Variants in NPAS3 observed in about 807,000 individuals in gnomAD.
NPAS3 encodes neuronal PAS domain protein 3, also known as neuronal PAS domain-containing protein 3.
NPAS3 carries 14 observed loss-of-function variants against 73.1 expected under a neutral mutation model. The ratio of observed to expected loss-of-function variants is 0.19; its 90% confidence interval spans 0.13 to 0.30. NPAS3 has a LOEUF of 0.30. Ranked by LOEUF, NPAS3 falls within the 10% of genes least tolerant of loss-of-function variation. NPAS3 has a pLI of 1.00. For synonymous variants in NPAS3, 620 were observed against 541.5 expected (o/e 1.14, Z -2.01); for missense variants, 1,096 against 1,250.0 (o/e 0.88, Z 1.86).
chr14:32,971,607 G>A (rs1163947297), intron 1 of NPAS3, among the ~76,000 whole-genome samples: 1 of 152,100 alleles, frequency 6.6e-6, no homozygotes, highest in African/African-American at 2.4e-5. Flanking sequence ...CTTTCAGCAG[G>A]CATAATAGTA....
chr14:33,361,211 G>A (rs547502201), intron 3 of NPAS3, among the ~76,000 whole-genome samples: 3 of 152,242 alleles, frequency 2.0e-5, no homozygotes, highest in South Asian at 2.1e-4. Context: ...TGGAAACTTC[G>A]TACTAAGAGG....
chr14:33,779,059 G>A (rs1332965514), intron 9 of NPAS3, among the ~76,000 whole-genome samples: 2 of 152,246 alleles, frequency 1.3e-5, no homozygotes, highest in East Asian at 1.9e-4. Flanking sequence ...AGAAAATGTT[G>A]TGTGGACACA....
chr14:33,178,406 G>A (rs759868850), intron 2 of NPAS3, among the ~76,000 whole-genome samples: 25 of 152,010 alleles, frequency 1.6e-4, no homozygotes, highest in Admixed American at 9.8e-4. Context: ...GGGTAGTACT[G>A]ATATCTTAAC....
intron 4 of NPAS3, among the ~76,000 whole-genome samples, chr14:33,454,791 C>G (rs948591042): frequency 6.6e-6 from 1 of 152,116 alleles, no homozygotes; most frequent in African/African-American, 2.4e-5. Context: ...ATCAGAAACT[C>G]CAAGAATAGG....
chr14:33,395,072 G>A (rs551827470), intron 4 of NPAS3, among the ~76,000 whole-genome samples: 54 of 152,226 alleles, frequency 3.5e-4, no homozygotes, highest in African/African-American at 1.3e-3. Flanking sequence ...TATGTAATAG[G>A]AGCACTGCAG....
At chr14:32,976,707 G>T (rs990741592) in intron 1 of NPAS3, among the ~76,000 whole-genome samples, 1 of 152,212 alleles carries the variant, frequency 6.6e-6, no homozygotes, top group Non-Finnish European at 1.5e-5. Context: ...CATACACACA[G>T]AGCACAGCAA....
chr14:33,519,392 C>T (rs1011134453), intron 4 of NPAS3, among the ~76,000 whole-genome samples: 3 of 152,086 alleles, frequency 2.0e-5, no homozygotes. Flanking sequence ...GCTCTCATTA[C>T]ACTCAAACAT....
At chr14:33,350,554 A>G (rs1271630492) in intron 3 of NPAS3, among the ~76,000 whole-genome samples, 1 of 152,246 alleles carries the variant, frequency 6.6e-6, no homozygotes, top group Non-Finnish European at 1.5e-5. Context: ...AAATTGGTTC[A>G]AGAAGGGATC....
At chr14:33,612,253 C>G (rs1010366806) in intron 5 of NPAS3, among the ~76,000 whole-genome samples, 12 of 152,306 alleles carry the variant, frequency 7.9e-5, no homozygotes, top group Admixed American at 4.6e-4. Context: ...ATCTGGAGAA[C>G]AGTGATGCCC....
chr14:32,990,433 G>C (rs1218277296), intron 1 of NPAS3, among the ~76,000 whole-genome samples: 2 of 152,100 alleles, frequency 1.3e-5, no homozygotes, highest in Non-Finnish European at 2.9e-5. Flanking sequence ...TTCCAGATAG[G>C]TTGATGTGAC....
At position 33,749,976 on chromosome 14, in the gene NPAS3, C is replaced by A. The variant is rs1277161702; in HGVS notation, c.852+14644C>A. Among the ~76,000 whole-genome samples the A allele has an allele frequency of 3.9e-5, 6 of 152,206 alleles. No homozygotes were observed. In the East Asian group the frequency reaches 9.6e-4, roughly 24 times the overall value. On this transcript the variant is annotated intron_variant, in intron 7 of 11. Coordinates refer to ENST00000356141, the Ensembl canonical transcript of NPAS3. ...CACTTTGGCCCCCAAAGAATCTTTT[C>A]TCTCTTGGATTCATAAATCACACAT...
At chr14:33,142,305 A>G (rs1237097975) in intron 2 of NPAS3, among the ~76,000 whole-genome samples, 1 of 150,650 alleles carries the variant, frequency 6.6e-6, no homozygotes, top group Admixed American at 6.6e-5. Flanking sequence ...AACACAAGAC[A>G]TACACTAACA....
chr14:33,329,038 CT>C (rs534357887), intron 3 of NPAS3, among the ~76,000 whole-genome samples: 120 of 152,194 alleles, frequency 7.9e-4, no homozygotes, highest in African/African-American at 2.7e-3. Context: ...ATTAATTTTA[CT>C]GCTGTCTGGA....
At chr14:33,676,593 A>G (rs1261645373) in intron 6 of NPAS3, among the ~76,000 whole-genome samples, 1 of 152,274 alleles carries the variant, frequency 6.6e-6, no homozygotes, top group Non-Finnish European at 1.5e-5. Context: ...ATCTAATTTC[A>G]GTTGAACAAT....
At chr14:33,144,068 A>G (rs1266990050) in intron 2 of NPAS3, among the ~76,000 whole-genome samples, 3 of 152,194 alleles carry the variant, frequency 2.0e-5, no homozygotes, top group Non-Finnish European at 4.4e-5. Flanking sequence ...TCTTCTAGGT[A>G]TATACCTGAG....
intron 3 of NPAS3, among the ~76,000 whole-genome samples, chr14:33,314,914 A>AT (rs956495898): frequency 6.6e-6 from 1 of 152,152 alleles, no homozygotes; most frequent in Non-Finnish European, 1.5e-5. Context: ...TTAAAGACTG[A>AT]TAAAAAATAG....
At chr14:33,794,490 C>A (rs1313765932) in intron 10 of NPAS3, among the ~76,000 whole-genome samples, 1 of 152,152 alleles carries the variant, frequency 6.6e-6, no homozygotes, top group Non-Finnish European at 1.5e-5. Flanking sequence ...TCTTATATTT[C>A]TTCCCTTTGA....
At position 33,266,503 on chromosome 14, in the gene NPAS3, G is replaced by T. The variant is rs141946206; in HGVS notation, c.385+51077G>T. ...ATATGGTTGCCATTTTACTGCTTCA[G>T]GAACTTACATAGATGAAGTAAAAGC... On this transcript the variant is annotated intron_variant, in intron 3 of 11. Coordinates refer to ENST00000356141, the Ensembl canonical transcript of NPAS3. Among the ~76,000 whole-genome samples, 200 of 152,172 alleles carry T rather than the reference G, an allele frequency of 1.3e-3. 3 individuals carry two copies. Among genetic ancestry groups the T allele is most frequent in the Admixed American group, 7.1e-3 (109 of 15,268 alleles).
At chr14:33,336,714 C>A (rs1190292216) in intron 3 of NPAS3, among the ~76,000 whole-genome samples, 1 of 152,146 alleles carries the variant, frequency 6.6e-6, no homozygotes, top group African/African-American at 2.4e-5. Flanking sequence ...AAAATCCCAT[C>A]CTATTCACAA....
Sources: allele counts gnomAD v4.1 joint callset (sites outside exome capture counted in the v4.1 genomes callset), GRCh38; gene constraint gnomAD v4.1.1; transcripts MANE v1.5; gene names NCBI Gene and HGNC (gene_info 2026-07-23, HGNC 2026-07-21).